BMP6: variants seen among roughly 807,000 people sequenced by gnomAD.
The protein encoded by BMP6 is VG-1-R.
In BMP6, 17 loss-of-function variants were observed where a neutral mutation model predicts 54.1. The observed-to-expected ratio is 0.31, with a 90% CI of 0.22 to 0.47. BMP6 has a LOEUF of 0.47. Ranked by LOEUF, BMP6 falls within the 20% of genes least tolerant of loss-of-function variation. The pLI is 1.00. For missense variants in BMP6, 720 were observed against 690.4 expected (o/e 1.04, Z -0.48); for synonymous variants, 328 against 291.2 (o/e 1.13, Z -1.28).
chr6:7,829,555 C>T (rs1053349753), intron 1 of BMP6, among the ~76,000 whole-genome samples: 26 of 152,230 alleles, frequency 1.7e-4, no homozygotes, highest in African/African-American at 5.5e-4. Context: ...AAATAAAAAA[C>T]ATTAGCTATG....
chr6:7,751,250 A>C (rs990703918), intron 1 of BMP6, among the ~76,000 whole-genome samples: 1 of 152,182 alleles, frequency 6.6e-6, no homozygotes, highest in East Asian at 1.9e-4. Context: ...GAGAATTGCA[A>C]AGTGTGTTCC....
intron 4 of BMP6, among the ~76,000 whole-genome samples, chr6:7,874,586 T>A (rs1032767448): frequency 6.6e-6 from 1 of 152,004 alleles, no homozygotes; most frequent in Non-Finnish European, 1.5e-5. Flanking sequence ...AGAAACACCA[T>A]CTATACAAAG....
At chr6:7,777,031 T>C (rs1203573415) in intron 1 of BMP6, among the ~76,000 whole-genome samples, 1 of 152,204 alleles carries the variant, frequency 6.6e-6, no homozygotes, top group Non-Finnish European at 1.5e-5. Context: ...GAGGACATAA[T>C]GAGAAACTTT....
rs531373129 is a variant in BMP6 at position 7,727,520 on chromosome 6, G to A, written c.565G>A (p.Ala189Thr). 900 of 1,596,140 alleles carry A rather than the reference G, an allele frequency of 5.6e-4. 8 individuals are homozygous for A. The South Asian group carries it at 9.3e-3, about 16-fold the overall frequency. Reference protein sequence around the residue: ...AHPLNRKSLLAPGSGSGGASP... With the variant: ...AHPLNRKSLLTPGSGSGGASP... ...CCCGCTCAACCGCAAGAGCCTTCTG[G>A]CCCCCGGATCTGGCAGCGGCGGCGC... is the stretch of plus-strand genomic sequence containing the variant. Residue 189 changes from alanine to threonine, a missense_variant, in exon 1 of 7, where the codon GCC (alanine) becomes ACC (threonine). Ala to Thr is a moderately conservative substitution (Grantham distance 58). This residue lies in a region of BMP6 where 650 missense variants were observed against 556.3 expected (regional missense o/e 1.17). Transcript: ENST00000283147.
chr6:7,727,396 C>G lies in BMP6; in HGVS notation c.441C>G (p.Asn147Lys), dbSNP rs373910078. The change falls in exon 1 of 7, where the codon AAC (asparagine) becomes AAG (lysine). Residue 147 changes from asparagine (N) to lysine (K), a missense_variant. Asn to Lys is a moderately conservative substitution (Grantham distance 94). Transcript: ENST00000283147. ...LDLYNALSAD[N>K]DEDGASEGER... ...TGTACAACGCCCTGTCCGCCGACAACGACGAGGACGGGGCGTCGGAGGGGG... is the reference window on the plus strand; with the variant it reads ...TGTACAACGCCCTGTCCGCCGACAAGGACGAGGACGGGGCGTCGGAGGGGG... 2.3e-5 allele frequency: 37 copies of G among 1,607,334 alleles called. No homozygotes were observed. The African/African-American group carries it at 4.8e-4, about 21-fold the overall frequency.
chr6:7,770,571 G>C (rs994483204), intron 1 of BMP6, among the ~76,000 whole-genome samples: 1 of 152,182 alleles, frequency 6.6e-6, no homozygotes, highest in Non-Finnish European at 1.5e-5. Context: ...TGTGTACTTG[G>C]AGTCATTACT....
chr6:7,780,314 G>A (rs1331008730), intron 1 of BMP6, among the ~76,000 whole-genome samples: 3 of 151,994 alleles, frequency 2.0e-5, no homozygotes, highest in South Asian at 2.1e-4. Context: ...TTGGAAGGCC[G>A]AGGCGGGTGG....
chr6:7,747,639 C>T (rs1395335587), intron 1 of BMP6, among the ~76,000 whole-genome samples: 1 of 152,120 alleles, frequency 6.6e-6, no homozygotes, highest in Non-Finnish European at 1.5e-5. Context: ...CACAGGGAGA[C>T]CCCTGTTGGA....
chr6:7,832,188 G>C (rs1758802975), intron 1 of BMP6, among the ~76,000 whole-genome samples: 1 of 152,152 alleles, frequency 6.6e-6, no homozygotes, highest in Admixed American at 6.5e-5. Context: ...AAAGCTTCCT[G>C]GATTCAATCT....
At position 7,766,470 on chromosome 6, in the gene BMP6, T is replaced by G. The variant is rs1284152490; in HGVS notation, c.664+38851T>G. On this transcript the variant is annotated intron_variant, in intron 1 of 6. Transcript: ENST00000283147. ...CTCTACAAAAATGTTTTTAAAAAAT[T>G]AACCAGATGTGGTGGTGCACACCTG... Among the ~76,000 whole-genome samples the G allele has an allele frequency of 3.3e-5, 5 of 151,972 alleles. No homozygotes were observed. In the East Asian group the frequency reaches 9.6e-4, roughly 29 times the overall value.
At chr6:7,738,047 CTG>C (rs1761988278) in intron 1 of BMP6, among the ~76,000 whole-genome samples, 1 of 151,868 alleles carries the variant, frequency 6.6e-6, no homozygotes, top group African/African-American at 2.4e-5. Flanking sequence ...TGTCTGGAAA[CTG>C]TATTGGCTAG....
At chr6:7,769,482 G>A (rs576685575) in intron 1 of BMP6, among the ~76,000 whole-genome samples, 1 of 152,284 alleles carries the variant, frequency 6.6e-6, no homozygotes, top group South Asian at 2.1e-4. Context: ...AGTAGGGGTC[G>A]AGTTCTGCAC....
At chr6:7,809,309 A>T (rs1379665383) in intron 1 of BMP6, among the ~76,000 whole-genome samples, 1 of 152,190 alleles carries the variant, frequency 6.6e-6, no homozygotes, top group Non-Finnish European at 1.5e-5. Context: ...GTGGCCAGGA[A>T]AAAAAGCTGC....
chr6:7,738,307 T>C (rs897368935), intron 1 of BMP6, among the ~76,000 whole-genome samples: 5 of 152,208 alleles, frequency 3.3e-5, no homozygotes, highest in Middle Eastern at 3.4e-3. Flanking sequence ...CCACACCCAC[T>C]CCTGAACCTT....
rs1195232990 is a variant in BMP6, at chr6:7,727,225, G to T, written c.270G>T (p.Pro90=). 6.2e-7 allele frequency: 1 copy of T among 1,605,674 alleles called. No individual in the cohort carries two copies. The highest frequency in any genetic ancestry group is 2.2e-5 in the East Asian group (1 of 44,544). The stretch of plus-strand genomic sequence containing the variant: ...AGATCTTGTCGGTGCTGGGGCTCCC[G>T]CACCGGCCCCGGCCCCTGCACGGCC... ...QKEILSVLGL[P]HRPRPLHGLQ... The change falls in exon 1 of 7, where the codon CCG becomes CCT. Residue 90 remains proline, a synonymous_variant. Transcript: ENST00000283147.
chr6:7,782,722 A>C (rs1406905093), intron 1 of BMP6, among the ~76,000 whole-genome samples: 1 of 152,132 alleles, frequency 6.6e-6, no homozygotes, highest in Non-Finnish European at 1.5e-5. Flanking sequence ...AAAAAGAGAA[A>C]GAAAAAAAAG....
chr6:7,782,865 G>C (rs1455499164), intron 1 of BMP6, among the ~76,000 whole-genome samples: 1 of 152,166 alleles, frequency 6.6e-6, no homozygotes, highest in Non-Finnish European at 1.5e-5. Context: ...GGCTTGTCAA[G>C]AGGAAAGGCA....
chr6:7,810,999 G>A (rs1581257690), intron 1 of BMP6, among the ~76,000 whole-genome samples: 1 of 152,218 alleles, frequency 6.6e-6, no homozygotes, highest in African/African-American at 2.4e-5. Flanking sequence ...TCTTCAATGT[G>A]TAGGGCCTGA....
intron 1 of BMP6, among the ~76,000 whole-genome samples, chr6:7,753,064 TA>T (rs112535553): frequency 6.3e-4 from 94 of 149,510 alleles, no homozygotes; most frequent in African/African-American, 2.0e-3. Context: ...ATGCTGATGT[TA>T]AAAAAAAAAT....
Sources: gnomAD v4.1 joint callset for allele counts (sites outside exome capture counted in the v4.1 genomes callset) on GRCh38, gnomAD v4.1.1 for gene constraint, gnomAD v4.1.1 regional missense constraint, MANE v1.5 for transcripts, NCBI Gene and HGNC (gene_info 2026-07-23, HGNC 2026-07-21) for gene names.